Variants in NEDD4L observed in about 807,000 individuals in gnomAD.
The protein encoded by NEDD4L is NEDD4 like E3 ubiquitin protein ligase, also known as E3 ubiquitin-protein ligase NEDD4-like.
Under a neutral mutation model 148.9 loss-of-function variants are expected in NEDD4L, and 54 were observed. The ratio of observed to expected loss-of-function variants is 0.36; its 90% CI spans 0.29 to 0.45. The LOEUF (loss-of-function observed/expected upper bound fraction) is 0.45, where lower values mean the gene tolerates loss of function less well. NEDD4L is among the 20% of genes least tolerant of loss of function. The pLI, the probability that NEDD4L is intolerant of heterozygous loss-of-function variation, is 1.00. For synonymous variants in NEDD4L, 433 were observed against 440.7 expected (o/e 0.98, Z 0.22); for missense variants, 856 against 1,233.8 (o/e 0.69, Z 4.59).
intron 27 of NEDD4L, 120 bp from the exon 28 acceptor site, chr18:58,388,965 T>A: frequency 2.6e-6 from 2 of 763,246 alleles, no homozygotes; most frequent in Non-Finnish European, 4.6e-6. Context: ...GTTGTTATGA[T>A]TTGCTAGCTT....
chr18:58,199,642 A>T (rs1011536546), intron 2 of NEDD4L, among the ~76,000 whole-genome samples: 1 of 152,152 alleles, frequency 6.6e-6, no homozygotes, highest in Non-Finnish European at 1.5e-5. Flanking sequence ...TGCTATATAG[A>T]TGAAGGTTGG....
chr18:58,204,596 G>C (rs1267283556), intron 2 of NEDD4L, among the ~76,000 whole-genome samples: 1 of 152,136 alleles, frequency 6.6e-6, no homozygotes, highest in Admixed American at 6.5e-5. Context: ...GAATGAGCAG[G>C]CGTCTAAGTA....
chr18:58,097,012 A>G (rs979460587), intron 1 of NEDD4L, among the ~76,000 whole-genome samples: 1 of 152,214 alleles, frequency 6.6e-6, no homozygotes, highest in African/African-American at 2.4e-5. Context: ...GATCTTCAGA[A>G]CTTTGTATGA....
Position 58,364,285 on chromosome 18 carries a change from A to C in NEDD4L, c.1785A>C (p.Arg595Ser), listed in dbSNP as rs1056763634. The change falls in exon 20 of 31, where the codon AGA becomes AGC. Residue 595 changes from arginine to serine, a missense_variant. Arg to Ser is a moderately radical substitution (Grantham distance 110). Coordinates refer to ENST00000400345, the MANE Select transcript of NEDD4L (RefSeq NM_001144967.3). ...TCTTCCAGGCTGTCCCTTACTCCAG[A>C]GAATTTAAGCAGAAATATGACTACT... ...AITGPAVPYS[R>S]EFKQKYDYFR... 1 of 1,557,312 alleles carries C rather than the reference A, an allele frequency of 6.4e-7. No individual in the cohort carries two copies. The highest frequency in any genetic ancestry group is 8.7e-7 in the Non-Finnish European group (1 of 1,147,474).
At chr18:58,266,683 T>C (rs1016619332) in intron 5 of NEDD4L, among the ~76,000 whole-genome samples, 3 of 152,152 alleles carry the variant, frequency 2.0e-5, no homozygotes, top group African/African-American at 7.2e-5. Context: ...GAAAATACAA[T>C]ATATCAAATT....
chr18:58,341,234 TCC>T, intron 14 of NEDD4L, 65 bp downstream of exon 14: 1 of 1,560,896 alleles, frequency 6.4e-7, no homozygotes, highest in Non-Finnish European at 8.7e-7. Flanking sequence ...ATGACCGAAC[TCC>T]TTTCCTGGTG....
chr18:58,179,889 A>G (rs571155437), intron 2 of NEDD4L, among the ~76,000 whole-genome samples: 1 of 152,110 alleles, frequency 6.6e-6, no homozygotes, highest in Non-Finnish European at 1.5e-5. Flanking sequence ...ATGCCCTTGA[A>G]TCATCTCCAA....
At chr18:58,304,504 A>T (rs1187533054) in intron 5 of NEDD4L, among the ~76,000 whole-genome samples, 1 of 152,012 alleles carries the variant, frequency 6.6e-6, no homozygotes, top group Non-Finnish European at 1.5e-5. Flanking sequence ...ACATAACAAG[A>T]CTCTGTCTCA....
intron 1 of NEDD4L, among the ~76,000 whole-genome samples, chr18:58,146,517 G>A (rs539158002): frequency 1.3e-5 from 2 of 152,268 alleles, no homozygotes; most frequent in South Asian, 4.1e-4. Flanking sequence ...TAGATAATAA[G>A]GAGGACTCTT....
chr18:58,188,432 C>T, intron 2 of NEDD4L, among the ~76,000 whole-genome samples: 1 of 152,230 alleles, frequency 6.6e-6, no homozygotes, highest in Admixed American at 6.5e-5. Flanking sequence ...GGGTCAGGAA[C>T]CACCGAGTGG....
intron 2 of NEDD4L, among the ~76,000 whole-genome samples, chr18:58,244,958 A>T (rs1033773520): frequency 1.3e-5 from 2 of 152,162 alleles, no homozygotes; most frequent in African/African-American, 4.8e-5. Flanking sequence ...TGCCTCTGAA[A>T]GTGCTGGGAT....
intron 5 of NEDD4L, among the ~76,000 whole-genome samples, chr18:58,306,351 A>T (rs1052951183): frequency 1.3e-5 from 2 of 152,186 alleles, no homozygotes; most frequent in Non-Finnish European, 2.9e-5. Context: ...TTCTCTTTCA[A>T]GCTCATACGT....
At chr18:58,147,847 C>T (rs967933358) in intron 1 of NEDD4L, among the ~76,000 whole-genome samples, 1 of 152,100 alleles carries the variant, frequency 6.6e-6, no homozygotes, top group South Asian at 2.1e-4. Flanking sequence ...TTCTTCTCTG[C>T]CAGCAAATCT....
At chr18:58,136,936 C>T (rs545585759) in intron 1 of NEDD4L, among the ~76,000 whole-genome samples, 2 of 152,264 alleles carry the variant, frequency 1.3e-5, no homozygotes, top group Admixed American at 1.3e-4. Flanking sequence ...AAAGGAAAAT[C>T]AAGGAATAGA....
chr18:58,341,788 C>T lies in NEDD4L; in HGVS notation c.1368C>T (p.Ala456=), dbSNP rs1235794297. ...GCTCGCCAACAGTAACTTTATCTGC[C>T]CCGCTGGAGGTGAGACGGCTACCTC... ...SLSSPTVTLS[A]PLEGAKDSPV... is the part of the protein sequence containing the mutation. The change falls in exon 15 of 31, where the codon GCC becomes GCT. Residue 456 remains alanine, a synonymous_variant. Coordinates refer to ENST00000400345, the MANE Select transcript of NEDD4L (RefSeq NM_001144967.3). 3.7e-6 allele frequency: 6 copies of T among 1,613,080 alleles called. No individual in the cohort carries two copies. The highest frequency in any genetic ancestry group is 1.1e-5 in the South Asian group (1 of 90,650).
At chr18:58,087,229 C>G (rs1490840709) in intron 1 of NEDD4L, among the ~76,000 whole-genome samples, 1 of 152,194 alleles carries the variant, frequency 6.6e-6, no homozygotes, top group Non-Finnish European at 1.5e-5. Context: ...GGTACATTTT[C>G]CATCTCCCAC....
intron 5 of NEDD4L, among the ~76,000 whole-genome samples, chr18:58,257,557 G>C (rs78136604): frequency 6.6e-6 from 1 of 152,132 alleles, no homozygotes; most frequent in Admixed American, 6.5e-5. Context: ...TGTCCAAGCC[G>C]AGGATGCTGT....
chr18:58,161,239 C>T (rs1037016199), intron 1 of NEDD4L, among the ~76,000 whole-genome samples: 1 of 152,082 alleles, frequency 6.6e-6, no homozygotes, highest in African/African-American at 2.4e-5. Flanking sequence ...CCATGTTGGT[C>T]AGGCTGGTCT....
At chr18:58,204,198 T>G (rs62094501) in intron 2 of NEDD4L, among the ~76,000 whole-genome samples, 8,622 of 152,108 alleles carry the variant, frequency 0.057, 304 homozygotes, top group Non-Finnish European at 0.085. Flanking sequence ...CGTGGTGGTG[T>G]GCACCTGTAA....
Sources: allele counts gnomAD v4.1 joint callset (sites outside exome capture counted in the v4.1 genomes callset), GRCh38; gene constraint gnomAD v4.1.1; transcripts MANE v1.5; gene names NCBI Gene and HGNC (gene_info 2026-07-23, HGNC 2026-07-21).